Variants in ZFYVE28 observed in about 807,000 individuals in gnomAD.
The protein encoded by ZFYVE28 is zinc finger FYVE-type containing 28.
Under a neutral mutation model 82.1 loss-of-function variants are expected in ZFYVE28, and 40 were observed. The ratio of observed to expected loss-of-function variants is 0.49; its 90% CI spans 0.38 to 0.63. The LOEUF (loss-of-function observed/expected upper bound fraction) is 0.63. Ranked by LOEUF, ZFYVE28 falls within the 30% of genes least tolerant of loss-of-function variation. The pLI, the probability that ZFYVE28 is intolerant of heterozygous loss-of-function variation, is 0.00. For synonymous variants in ZFYVE28, 612 were observed against 546.1 expected, an observed-to-expected ratio of 1.12 and a Z score of -1.68; for missense variants, 1,321 against 1,242.1, an observed-to-expected ratio of 1.06 and a Z score of -0.96.
At chr4:2,304,123 C>A (rs1325796968) in intron 8 of ZFYVE28, among the ~76,000 whole-genome samples, 166 bp downstream of exon 8, 1 of 152,246 alleles carries the variant, frequency 6.6e-6, no homozygotes, top group Non-Finnish European at 1.5e-5. Context: ...CCAGCTCCTG[C>A]CCCTGCCCCT....
intron 2 of ZFYVE28, among the ~76,000 whole-genome samples, chr4:2,353,387 C>T (rs775348113): frequency 6.6e-5 from 10 of 152,238 alleles, no homozygotes; most frequent in Middle Eastern, 3.2e-3. Context: ...AAGAACATTC[C>T]GGAACTTTGT....
intron 1 of ZFYVE28, chr4:2,364,582 A>T (rs2108897304): frequency 1.0e-6 from 1 of 985,552 alleles, no homozygotes; most frequent in Non-Finnish European, 1.2e-6. Context: ...CACTGGGCAC[A>T]GACGCCCGGG....
At chr4:2,398,801 GAGC>G (rs879749807) in intron 1 of ZFYVE28, among the ~76,000 whole-genome samples, 1,573 of 4,638 alleles carry the variant, frequency 0.34, 739 homozygotes, top group African/African-American at 0.63. Context: ...CACAAGTGTG[GAGC>G]TGAGATCCAG....
In ZFYVE28 at chr4:2,305,178, G is replaced by T; in HGVS notation, c.1162C>A (p.Pro388Thr). Residue 388 changes from proline to threonine, a missense_variant, in exon 8 of 13, where the codon CCG (proline) becomes ACG (threonine). Pro to Thr is a conservative substitution (Grantham distance 38, BLOSUM62 -1). Transcript: ENST00000290974. ...SPGGEASPGR[P>T]RLRSGSDEEE... ...TCGTCACTGCCTGACCGCAGGCGCGGTCTACCTGGAGAGGCCTCCCCGCCT... is the reference window on the plus strand; with the variant it reads ...TCGTCACTGCCTGACCGCAGGCGCGTTCTACCTGGAGAGGCCTCCCCGCCT... 6.3e-7 allele frequency: 1 copy of T among 1,596,622 alleles called. No individual in the cohort carries two copies. The highest frequency in any genetic ancestry group is 8.6e-7 in the Non-Finnish European group (1 of 1,169,030).
intron 1 of ZFYVE28, among the ~76,000 whole-genome samples, chr4:2,405,878 A>G (rs11248100): frequency 0.51 from 76,374 of 150,998 alleles, 20,275 homozygotes; most frequent in East Asian, 0.86. Context: ...TGAAACCCCC[A>G]TCTCTACTAA....
intron 1 of ZFYVE28, among the ~76,000 whole-genome samples, chr4:2,369,988 T>C (rs926545606): frequency 2.6e-5 from 4 of 151,036 alleles, no homozygotes; most frequent in South Asian, 4.2e-4. Context: ...GCAGGTGGGA[T>C]TACAGGAGTG....
intron 7 of ZFYVE28, among the ~76,000 whole-genome samples, chr4:2,318,573 G>C (rs1474106130): frequency 6.6e-6 from 1 of 152,222 alleles, no homozygotes; most frequent in African/African-American, 2.4e-5. Flanking sequence ...AGGAGATGCA[G>C]GCTCATCTGT....
intron 6 of ZFYVE28, among the ~76,000 whole-genome samples, chr4:2,333,893 CT>C (rs1242015645): frequency 2.0e-5 from 3 of 152,202 alleles, no homozygotes; most frequent in African/African-American, 4.8e-5. Context: ...CAGAGAGACA[CT>C]TGTCTAGAAA....
rs1733323176 is a variant in ZFYVE28 at position 2,418,163 on chromosome 4, G to A, written c.39+122C>T. 5 of 839,840 alleles carry A rather than the reference G, an allele frequency of 6.0e-6. No individual in the cohort carries two copies. The highest frequency in any genetic ancestry group is 6.9e-5 in the Admixed American group (2 of 29,148). 52.0% of individuals were successfully genotyped at this position (839,840 alleles called of 1,614,324 possible). A position where few individuals can be genotyped will look rare whatever the true frequency, so the allele number is the denominator to read the frequency against. ...TTGGAGTGGAGGGAAGGATGTCGGC[G>A]GTGGGGGAAGAGGCCGGCCACGGAC... On this transcript the variant is annotated intron_variant, in intron 1 of 12. Coordinates refer to ENST00000290974, the MANE Select transcript of ZFYVE28 (RefSeq NM_020972.3). This position sits in a 1 kb window ranked among gnomAD's most constrained non-coding sequence, Gnocchi z 4.6.
chr4:2,348,017 A>G (rs912445527), intron 2 of ZFYVE28, among the ~76,000 whole-genome samples: 2 of 152,192 alleles, frequency 1.3e-5, no homozygotes, highest in African/African-American at 4.8e-5. Flanking sequence ...GAGAAAATCA[A>G]TGAAGCTAAA....
intron 12 of ZFYVE28, 54 bp from the exon 13 acceptor site, chr4:2,270,910 T>A: frequency 6.4e-7 from 1 of 1,569,212 alleles, no homozygotes; most frequent in East Asian, 2.3e-5. Flanking sequence ...CCACCCACCC[T>A]GGCTCCTCGC....
chr4:2,305,369 G>C lies in ZFYVE28; in HGVS notation c.971C>G (p.Ala324Gly). ...LPPEGPLSAK[A>G]KDPDAELACS... The stretch of plus-strand genomic sequence containing the variant: ...GGCCAGCTCTGCATCCGGGTCTTTG[G>C]CCTTAGCTGAGAGTGGCCCCTCAGG... The change falls in exon 8 of 13, where the codon GCC becomes GGC. Residue 324 changes from alanine to glycine, a missense_variant. Ala to Gly is a moderately conservative substitution (Grantham distance 60). Transcript: ENST00000290974. 6.2e-7 allele frequency: 1 copy of C among 1,612,800 alleles called. No individual in the cohort carries two copies. Among genetic ancestry groups the C allele is most frequent in the Non-Finnish European group, 8.5e-7 (1 of 1,179,814 alleles).
At chr4:2,407,837 C>T (rs1306418451) in intron 1 of ZFYVE28, among the ~76,000 whole-genome samples, 2 of 152,314 alleles carry the variant, frequency 1.3e-5, no homozygotes, top group Non-Finnish European at 2.9e-5. Flanking sequence ...CCACCTGCCT[C>T]GGCTTCGCAA....
At chr4:2,344,938 G>A (rs1035445679) in intron 2 of ZFYVE28, among the ~76,000 whole-genome samples, 2 of 151,840 alleles carry the variant, frequency 1.3e-5, no homozygotes, top group African/African-American at 4.8e-5. Context: ...ACGGCCAGGC[G>A]CGGTGGCTCA....
intron 6 of ZFYVE28, among the ~76,000 whole-genome samples, chr4:2,322,943 C>T (rs1363821114): frequency 1.3e-5 from 2 of 152,228 alleles, no homozygotes; most frequent in South Asian, 2.1e-4. Flanking sequence ...TCTTCATTCA[C>T]CCACGGGTGG....
rs1387585610 is a variant in ZFYVE28, at chr4:2,335,118, C to T, written c.701+587G>A. ...TTCACGTCCTTGAGCCCCACAGGAC[C>T]CTACAGGCTGCCTTGAGTTCCCTGC... On this transcript the variant is annotated intron_variant, in intron 6 of 12. Coordinates refer to ENST00000290974, the MANE Select transcript of ZFYVE28 (RefSeq NM_020972.3). This position sits in a 1 kb window ranked among gnomAD's most constrained non-coding sequence, Gnocchi z 5.8. 6.6e-6 allele frequency among the ~76,000 whole-genome samples: 1 copy of T among 151,572 alleles called. No homozygotes were observed. The highest frequency in any genetic ancestry group is 1.5e-5 in the Non-Finnish European group (1 of 67,868).
intron 8 of ZFYVE28, among the ~76,000 whole-genome samples, chr4:2,284,908 C>T (rs189419843): frequency 4.0e-4 from 61 of 152,294 alleles, no homozygotes; most frequent in African/African-American, 1.3e-3. Context: ...AGCAGGGAGG[C>T]GCGAGTGTGC....
chr4:2,270,596 C>G lies in ZFYVE28; in HGVS notation c.*129G>C. 1 of 1,371,726 alleles carries G rather than the reference C, an allele frequency of 7.3e-7. No homozygotes were observed. Among genetic ancestry groups the G allele is most frequent in the Non-Finnish European group, 1.0e-6 (1 of 996,562 alleles). 85.0% of individuals were successfully genotyped at this position (1,371,726 alleles called of 1,614,324 possible). On this transcript the variant is annotated 3_prime_UTR_variant, in exon 13 of 13. Transcript: ENST00000290974. ...GGGCAGGACAGAGGCTCTGGATGCT[C>G]TGGAGGTCTGGGTGCCCCTGCAGCA...
At chr4:2,304,149 C>T in intron 8 of ZFYVE28, 140 bp downstream of exon 8, 5 of 1,123,312 alleles carry the variant, frequency 4.5e-6, no homozygotes, top group South Asian at 1.7e-5. Context: ...CACACAGACC[C>T]CACACTCGGC....
Sources: allele counts gnomAD v4.1 joint callset (sites outside exome capture counted in the v4.1 genomes callset), GRCh38; gene constraint gnomAD v4.1.1; non-coding constraint Gnocchi (gnomAD v3.1); transcripts MANE v1.5; gene names NCBI Gene and HGNC (gene_info 2026-07-23, HGNC 2026-07-21).